Variants in SV2B observed in about 807,000 individuals in gnomAD.
SV2B encodes the protein solute carrier family 22 member B2.
Under a neutral mutation model 73.9 loss-of-function variants are expected in SV2B, and 41 were observed. That is an observed-to-expected ratio of 0.56 (90% CI 0.43 to 0.72). The LOEUF is 0.72. SV2B is among the 30% of genes least tolerant of loss of function. SV2B has a pLI of 0.00. For missense variants in SV2B, 764 were observed against 857.8 expected (o/e 0.89, Z 1.37); for synonymous variants, 314 against 314.2 (o/e 1.00, Z 0.01).
chr15:91,209,386 T>C (rs1197189427), intron 1 of SV2B, among the ~76,000 whole-genome samples: 2 of 152,112 alleles, frequency 1.3e-5, no homozygotes, highest in Non-Finnish European at 2.9e-5. Flanking sequence ...CCTCCCAAAG[T>C]GCTGGGATTA....
intron 9 of SV2B, among the ~76,000 whole-genome samples, chr15:91,269,714 C>G (rs898083691): frequency 3.3e-5 from 5 of 152,168 alleles, no homozygotes; most frequent in African/African-American, 1.2e-4. Flanking sequence ...TTAGCTAAGG[C>G]TTCCTGTTAT....
intron 1 of SV2B, among the ~76,000 whole-genome samples, chr15:91,208,203 A>G (rs985240143): frequency 6.6e-6 from 1 of 152,200 alleles, no homozygotes; most frequent in African/African-American, 2.4e-5. Flanking sequence ...GCGGTGTCTG[A>G]GCAGCTGGTT....
intron 1 of SV2B, among the ~76,000 whole-genome samples, chr15:91,221,940 A>G (rs557043970): frequency 1.3e-5 from 2 of 152,168 alleles, no homozygotes; most frequent in East Asian, 1.9e-4. Context: ...TTCCTTCCGC[A>G]TCATGTCTCC....
At chr15:91,287,251 C>T (rs17516986) in intron 11 of SV2B, among the ~76,000 whole-genome samples, 11,028 of 152,230 alleles carry the variant, frequency 0.072, 528 homozygotes, top group Non-Finnish European at 0.11. Flanking sequence ...GGTGACACTC[C>T]GGGCTGAGGA....
intron 1 of SV2B, among the ~76,000 whole-genome samples, chr15:91,194,009 T>C (rs2045148549): frequency 6.6e-6 from 1 of 151,666 alleles, no homozygotes; most frequent in Non-Finnish European, 1.5e-5. Flanking sequence ...TTTTTGTTTG[T>C]TTGTTTGTTT....
chr15:91,261,627 C>T lies in SV2B; in HGVS notation c.1008+1218C>T, dbSNP rs2047912764. Among the ~76,000 whole-genome samples the T allele has an allele frequency of 6.6e-6, 1 of 152,088 alleles. No homozygotes were observed. The highest frequency in any genetic ancestry group is 1.5e-5 in the Non-Finnish European group (1 of 68,024). ...AGAGAGCTTGGATATTTTTATAGCT[C>T]TTGAGATACATTGCCAAATCATAAT... is the stretch of plus-strand genomic sequence containing the variant. On this transcript the variant is annotated intron_variant, in intron 6 of 12. Transcript: ENST00000394232. This position sits in a 1 kb window ranked among gnomAD's most constrained non-coding sequence, Gnocchi z 4.7.
chr15:91,184,534 C>T (rs373859596), intron 1 of SV2B, among the ~76,000 whole-genome samples: 1 of 152,140 alleles, frequency 6.6e-6, no homozygotes, highest in African/African-American at 2.4e-5. Context: ...TCCCCAAGGC[C>T]CTGCCATTGG....
chr15:91,266,781 C>T (rs11629714), intron 7 of SV2B, 89 bp downstream of exon 7: 174,858 of 1,088,238 alleles, frequency 0.16, 14,975 homozygotes, highest in African/African-American at 0.19. Context: ...CTGAACATCC[C>T]CACCAACCTG....
In SV2B at chr15:91,242,311, C is replaced by T. The variant is rs917770985; in HGVS notation, c.452-9508C>T. Among the ~76,000 whole-genome samples, 4 of 152,126 alleles carry T rather than the reference C, an allele frequency of 2.6e-5. No homozygotes were observed. The highest frequency in any genetic ancestry group is 5.9e-5 in the Non-Finnish European group (4 of 68,026). On this transcript the variant is annotated intron_variant, in intron 2 of 12. Transcript: ENST00000394232. This position sits in a 1 kb window ranked among gnomAD's most constrained non-coding sequence, Gnocchi z 4.9. ...TATTGCCAGTCACTTCTTTGGGGAT[C>T]GTGTTTGTTGTCTGCTTTCATTACC...
At chr15:91,205,952 T>C (rs1478385717) in intron 1 of SV2B, among the ~76,000 whole-genome samples, 1 of 152,198 alleles carries the variant, frequency 6.6e-6, no homozygotes, top group African/African-American at 2.4e-5. Context: ...CCCCTTGGCA[T>C]GATACATATG....
intron 5 of SV2B, among the ~76,000 whole-genome samples, chr15:91,260,075 A>G (rs1488685121): frequency 6.6e-6 from 1 of 152,154 alleles, no homozygotes; most frequent in African/African-American, 2.4e-5. Flanking sequence ...TATAATGATG[A>G]TACTACCTAA....
chr15:91,247,684 G>C (rs1434241629), intron 2 of SV2B, among the ~76,000 whole-genome samples: 1 of 152,158 alleles, frequency 6.6e-6, no homozygotes, highest in African/African-American at 2.4e-5. Context: ...ATCTAGAAAG[G>C]AATTGCTGCA....
rs2042877871 is a variant in SV2B, at chr15:91,137,618, T to TATATTTC, written c.-392+37255_-392+37256insATATTTC. Among the ~76,000 whole-genome samples the TATATTTC allele has an allele frequency of 2.5e-5, 3 of 121,876 alleles. No homozygotes were observed. The highest frequency in any genetic ancestry group is 6.5e-5 in the African/African-American group (2 of 30,726). The allele number at this position is 121,876 out of a possible 152,430, so 80.0% of individuals were successfully genotyped here. ...ATATATATATATTTCATATATATAT[T>TATATTTC]TCATATATACATATATTTCATATAT... On this transcript the variant is annotated intron_variant, in intron 1 of 12. Coordinates refer to ENST00000394232, the MANE Select transcript of SV2B (RefSeq NM_001323032.3). The surrounding 1 kb of genome is among the most constrained non-coding windows in gnomAD (Gnocchi z 4.9).
rs1310600145 is a variant in SV2B, at chr15:91,231,284, A to G, written c.451+4570A>G. ...GAGAGCTGTTTAATGGGGAGCTATG[A>G]AATATGCCGTTGAGGAAGGAGGTGA... On this transcript the variant is annotated intron_variant, in intron 2 of 12. Coordinates refer to ENST00000394232, the MANE Select transcript of SV2B (RefSeq NM_001323032.3). This position sits in a 1 kb window ranked among gnomAD's most constrained non-coding sequence, Gnocchi z 4.5. Among the ~76,000 whole-genome samples the G allele has an allele frequency of 2.6e-5, 4 of 152,048 alleles. No individual in the cohort carries two copies. The highest frequency in any genetic ancestry group is 5.9e-5 in the Non-Finnish European group (4 of 68,006).
chr15:91,112,129 G>C, intron 1 of SV2B, among the ~76,000 whole-genome samples: 1 of 145,496 alleles, frequency 6.9e-6, no homozygotes, highest in South Asian at 2.3e-4. Flanking sequence ...TGGGGGTGGG[G>C]TGAGGGTTGG....
At chr15:91,215,769 C>A (rs1433629423) in intron 1 of SV2B, among the ~76,000 whole-genome samples, 1 of 151,820 alleles carries the variant, frequency 6.6e-6, no homozygotes, top group African/African-American at 2.4e-5. Context: ...TTTACCTAAC[C>A]CTTGTTATGT....
rs1341443082 is a variant in SV2B at position 91,234,180 on chromosome 15, C to T, written c.451+7466C>T. Among the ~76,000 whole-genome samples, 1 of 152,134 alleles carries T rather than the reference C, an allele frequency of 6.6e-6. No individual in the cohort carries two copies. The highest frequency in any genetic ancestry group is 1.5e-5 in the Non-Finnish European group (1 of 68,036). ...ATGGTAGAGGAAGAGATTGAAAGGCCTAGGAATATTTGCATGTTAGAGCGG... is the reference window on the plus strand; with the variant it reads ...ATGGTAGAGGAAGAGATTGAAAGGCTTAGGAATATTTGCATGTTAGAGCGG... On this transcript the variant is annotated intron_variant, in intron 2 of 12. Transcript: ENST00000394232. The surrounding 1 kb of genome is among the most constrained non-coding windows in gnomAD (Gnocchi z 5.6).
At position 91,227,140 on chromosome 15, in the gene SV2B, G is replaced by C. The variant is rs62026588; in HGVS notation, c.451+426G>C. 0.02 allele frequency among the ~76,000 whole-genome samples: 2,985 copies of C among 152,216 alleles called. 48 individuals are homozygous for C. Among genetic ancestry groups the C allele is most frequent in the Non-Finnish European group, 0.031 (2,116 of 68,004 alleles). The stretch of plus-strand genomic sequence containing the variant: ...TCTCTTCCACTTGGTCCTTCTCTCT[G>C]TGTCTTTCCAGAGTCCGATGGTGTC... On this transcript the variant is annotated intron_variant, in intron 2 of 12. Transcript: ENST00000394232. This position sits in a 1 kb window ranked among gnomAD's most constrained non-coding sequence, Gnocchi z 4.5.
intron 1 of SV2B, among the ~76,000 whole-genome samples, chr15:91,221,859 A>G (rs890723081): frequency 1.3e-5 from 2 of 152,160 alleles, no homozygotes; most frequent in African/African-American, 4.8e-5. Flanking sequence ...CCAGTTTAAC[A>G]ACCTTCACTG....
Sources: allele counts gnomAD v4.1 joint callset (sites outside exome capture counted in the v4.1 genomes callset), GRCh38; gene constraint gnomAD v4.1.1; non-coding constraint Gnocchi (gnomAD v3.1); transcripts MANE v1.5; gene names NCBI Gene and HGNC (gene_info 2026-07-23, HGNC 2026-07-21).